The following RGS12 variants were observed in gnomAD, a reference collection of about 807,000 sequenced individuals.
The protein encoded by RGS12 is regulator of G-protein signaling 12.
In RGS12, 66 loss-of-function variants were observed where a neutral mutation model predicts 120.1. The ratio of observed to expected loss-of-function variants is 0.55; its 90% CI spans 0.45 to 0.67. The LOEUF is 0.67. Among genes scored for constraint, RGS12 ranks in the 30% least tolerant of loss-of-function variants. The pLI is 0.00. For missense variants in RGS12, 1,859 were observed against 1,957.7 expected, an observed-to-expected ratio of 0.95 and a Z score of 0.95; for synonymous variants, 827 against 804.7, an observed-to-expected ratio of 1.03 and a Z score of -0.47.
At chr4:3,368,545 CGTGTGTGGGGTGCATGTGTGT>C (rs1199968346) in intron 3 of RGS12, among the ~76,000 whole-genome samples, 171 of 69,952 alleles carry the variant, frequency 2.4e-3, no homozygotes, top group Non-Finnish European at 3.7e-3. Context: ...GTGTGGGGTA[CGTGTGTGGGGTGCATGTGTGT>C]GTGTGTGGGG....
intron 1 of RGS12, among the ~76,000 whole-genome samples, chr4:3,293,716 CAGAA>C (rs1218584452): frequency 6.6e-6 from 1 of 151,466 alleles, no homozygotes; most frequent in Non-Finnish European, 1.5e-5. Context: ...GGAGTGTAGA[CAGAA>C]AGGGCGCCCA....
At chr4:3,417,562 G>T (rs1215252776) in intron 9 of RGS12, 21 bp downstream of exon 9, 1 of 1,610,290 alleles carries the variant, frequency 6.2e-7, no homozygotes, top group East Asian at 2.2e-5. Context: ...TGGCTCCTGG[G>T]CTGTGGTGTC....
In RGS12 at chr4:3,316,716, A is replaced by G. The variant is rs1337577184; in HGVS notation, c.546A>G (p.Gly182=). The G allele has an allele frequency of 1.2e-6, 2 of 1,614,210 alleles. No homozygotes were observed. Among genetic ancestry groups the G allele is most frequent in the African/African-American group, 2.7e-5 (2 of 75,072 alleles). The change falls in exon 2 of 18, where the codon GGA becomes GGG. Residue 182 remains glycine (G), a synonymous_variant. Transcript: ENST00000336727. ...SESAATRFDV[G]HESINNPNPN... Reference sequence around the variant, plus strand: ...CGGCCGCAACTCGATTTGATGTTGGACATGAAAGTATAAATAATCCAAATC... The same window carrying G: ...CGGCCGCAACTCGATTTGATGTTGGGCATGAAAGTATAAATAATCCAAATC...
chr4:3,433,671 G>A lies in RGS12; in HGVS notation c.4114+2716G>A, dbSNP rs1005368189. 2.6e-5 allele frequency among the ~76,000 whole-genome samples: 4 copies of A among 151,278 alleles called. No homozygotes were observed. Among genetic ancestry groups the A allele is most frequent in the African/African-American group, 4.9e-5 (2 of 40,970 alleles). On this transcript the variant is annotated intron_variant, in intron 17 of 17. Transcript: ENST00000336727. The surrounding 1 kb of genome is among the most constrained non-coding windows in gnomAD (Gnocchi z 4.4). ...CATGCCACCCTGTTCCAGCCCCTGCGCCACGTGGTGCTCCACCACGCCCTT... is the reference window on the plus strand; with the variant it reads ...CATGCCACCCTGTTCCAGCCCCTGCACCACGTGGTGCTCCACCACGCCCTT...
chr4:3,318,694 A>G (rs1724974008), intron 2 of RGS12, among the ~76,000 whole-genome samples: 1 of 152,190 alleles, frequency 6.6e-6, no homozygotes, highest in Non-Finnish European at 1.5e-5. Flanking sequence ...TTGGAGCAGG[A>G]AAGAGTAAAT....
intron 4 of RGS12, among the ~76,000 whole-genome samples, chr4:3,395,207 T>TAA (rs572783032): frequency 0.053 from 7,138 of 135,518 alleles, 544 homozygotes; most frequent in African/African-American, 0.18. Context: ...AGAGTCCATC[T>TAA]AAAAAAAAAA....
At chr4:3,436,736 C>A (rs1408190764) in intron 17 of RGS12, among the ~76,000 whole-genome samples, 1 of 152,176 alleles carries the variant, frequency 6.6e-6, no homozygotes, top group Non-Finnish European at 1.5e-5. Flanking sequence ...GTCTGGGAGG[C>A]CTGGGGGCGA....
At chr4:3,434,050 C>T (rs984773690) in intron 17 of RGS12, among the ~76,000 whole-genome samples, 4 of 152,172 alleles carry the variant, frequency 2.6e-5, no homozygotes, top group South Asian at 4.1e-4. Context: ...TGTATGAGGC[C>T]GTTCTCATGT....
At position 3,378,572 on chromosome 4, in the gene RGS12, C is replaced by A. The variant is rs888947251; in HGVS notation, c.1999-7844C>A. ...AACTCATACAACTCAGTGGCAAAAA[C>A]CAAATAACCCAATTGAAAAATGGCA... is the stretch of plus-strand genomic sequence containing the variant. On this transcript the variant is annotated intron_variant, in intron 3 of 17. Transcript: ENST00000336727. 5.9e-5 allele frequency: 9 copies of A among 152,114 alleles called. 1 individual carries two copies. Among genetic ancestry groups the A allele is most frequent in the Admixed American group, 5.2e-4 (8 of 15,276 alleles). 9.4% of individuals were successfully genotyped at this position (152,114 alleles called of 1,614,324 possible).
upstream of RGS12, among the ~76,000 whole-genome samples, chr4:3,289,429 C>A (rs1722964983): frequency 6.6e-6 from 1 of 152,138 alleles, no homozygotes. Flanking sequence ...GTCTCCAACT[C>A]CTGAGCTTAA....
chr4:3,364,026 C>T (rs939603085), intron 3 of RGS12, among the ~76,000 whole-genome samples: 22 of 152,178 alleles, frequency 1.4e-4, no homozygotes, highest in Admixed American at 2.0e-4. Context: ...TGGTTTCAAA[C>T]GCTTCCCTCT....
intron 1 of RGS12, among the ~76,000 whole-genome samples, chr4:3,305,785 A>T (rs927209808): frequency 6.6e-6 from 1 of 152,194 alleles, no homozygotes; most frequent in East Asian, 1.9e-4. Context: ...TTTGGGACTG[A>T]TAACTGTCCC....
chr4:3,401,677 G>A (rs112156464), intron 4 of RGS12, among the ~76,000 whole-genome samples: 3 of 152,366 alleles, frequency 2.0e-5, no homozygotes, highest in Non-Finnish European at 4.4e-5. Context: ...GAACCACGCC[G>A]TGAACCGGCA....
At chr4:3,362,283 G>C (rs918802247) in intron 3 of RGS12, among the ~76,000 whole-genome samples, 2 of 152,168 alleles carry the variant, frequency 1.3e-5, no homozygotes, top group African/African-American at 4.8e-5. Context: ...CCAGGTTGAG[G>C]GGCACATTTT....
intron 3 of RGS12, among the ~76,000 whole-genome samples, chr4:3,364,431 C>T (rs1046657179): frequency 3.3e-5 from 5 of 152,130 alleles, no homozygotes; most frequent in Non-Finnish European, 5.9e-5. Flanking sequence ...CCATGGAGGT[C>T]GGGCCGCACT....
At chr4:3,342,305 C>T in intron 2 of RGS12, 1 of 773,584 alleles carries the variant, frequency 1.3e-6, no homozygotes, top group South Asian at 2.8e-5. Context: ...GAGCCAGCTT[C>T]TCATCTGGGG....
intron 3 of RGS12, among the ~76,000 whole-genome samples, chr4:3,369,138 G>A (rs62274924): frequency 0.25 from 37,611 of 152,114 alleles, 4,970 homozygotes; most frequent in South Asian, 0.35. Context: ...GCTGCCTTGG[G>A]GTGATTCCTC....
chr4:3,433,676 G>T lies in RGS12; in HGVS notation c.4114+2721G>T, dbSNP rs867185481. 4.0e-5 allele frequency among the ~76,000 whole-genome samples: 6 copies of T among 151,280 alleles called. No homozygotes were observed. The highest frequency in any genetic ancestry group is 3.2e-3 in the Middle Eastern group (1 of 310). ...CACCCTGTTCCAGCCCCTGCGCCACGTGGTGCTCCACCACGCCCTTCTAGC... is the reference window on the plus strand; with the variant it reads ...CACCCTGTTCCAGCCCCTGCGCCACTTGGTGCTCCACCACGCCCTTCTAGC... On this transcript the variant is annotated intron_variant, in intron 17 of 17. Transcript: ENST00000336727. This position sits in a 1 kb window ranked among gnomAD's most constrained non-coding sequence, Gnocchi z 4.4.
intron 17 of RGS12, among the ~76,000 whole-genome samples, chr4:3,438,781 G>A (rs1408762695): frequency 6.6e-6 from 1 of 152,134 alleles, no homozygotes; most frequent in African/African-American, 2.4e-5. Context: ...GGGCTGGAGT[G>A]GGCATTGGAG....
Sources: gnomAD v4.1 joint callset for allele counts (sites outside exome capture counted in the v4.1 genomes callset) on GRCh38, gnomAD v4.1.1 for gene constraint, Gnocchi (gnomAD v3.1) non-coding constraint, MANE v1.5 for transcripts, NCBI Gene and HGNC (gene_info 2026-07-23, HGNC 2026-07-21) for gene names.